Variants in FSTL5 observed in about 807,000 individuals in gnomAD.
The protein encoded by FSTL5 is follistatin like 5.
FSTL5 carries 62 observed loss-of-function variants against 89.1 expected under a neutral mutation model. That is an observed-to-expected ratio of 0.70 (90% CI 0.57 to 0.86). The LOEUF is 0.86. Among genes scored for constraint, FSTL5 ranks in the 40% least tolerant of loss-of-function variants. The pLI is 0.00. For synonymous variants in FSTL5, 383 were observed against 346.2 expected (o/e 1.11, Z -1.18); for missense variants, 1,057 against 1,001.6 (o/e 1.06, Z -0.75).
At chr4:161,863,760 C>A (rs1731993152) in intron 4 of FSTL5, among the ~76,000 whole-genome samples, 1 of 152,164 alleles carries the variant, frequency 6.6e-6, no homozygotes, top group African/African-American at 2.4e-5. Flanking sequence ...TTGACGGCTA[C>A]AGACCTGCCA....
intron 15 of FSTL5, among the ~76,000 whole-genome samples, chr4:161,449,515 T>C (rs752381316): frequency 6.6e-6 from 1 of 152,154 alleles, no homozygotes; most frequent in Non-Finnish European, 1.5e-5. Flanking sequence ...TTATGCCTTC[T>C]CTTATTACTC....
chr4:161,580,253 C>T lies in FSTL5; in HGVS notation c.1015+7202G>A, dbSNP rs79462565. ...GGGAATTTTGAGGCTTTGAAGTTAACGAATTTTTGTACTGTTTTATTATAG... is the reference window on the plus strand; with the variant it reads ...GGGAATTTTGAGGCTTTGAAGTTAATGAATTTTTGTACTGTTTTATTATAG... On this transcript the variant is annotated intron_variant, in intron 8 of 15. Transcript: ENST00000306100. Among the ~76,000 whole-genome samples, 592 of 152,216 alleles carry T rather than the reference C, an allele frequency of 3.9e-3. 5 individuals carry two copies. Among genetic ancestry groups the T allele is most frequent in the African/African-American group, 0.013 (532 of 41,542 alleles).
rs560104593 is a variant in FSTL5, at chr4:161,970,023, A to G, written c.161-49371T>C. On this transcript the variant is annotated intron_variant, in intron 3 of 15. Transcript: ENST00000306100. ...AGACCCTTGTGTTCTGGGCTAAAAA[A>G]ATCGAACTGGATTTGATGGGGAGTC... 1.4e-4 allele frequency among the ~76,000 whole-genome samples: 22 copies of G among 152,266 alleles called. No individual in the cohort carries two copies. In the East Asian group the frequency reaches 3.7e-3, roughly 25 times the overall value.
intron 3 of FSTL5, among the ~76,000 whole-genome samples, chr4:161,966,383 T>C (rs1014742274): frequency 1.3e-5 from 2 of 152,084 alleles, no homozygotes; most frequent in African/African-American, 4.8e-5. Flanking sequence ...GTGAGACATT[T>C]TCATGGACAC....
At chr4:161,523,752 G>T (rs1484101315) in intron 10 of FSTL5, among the ~76,000 whole-genome samples, 1 of 152,054 alleles carries the variant, frequency 6.6e-6, no homozygotes, top group East Asian at 1.9e-4. Flanking sequence ...TATAAACTTT[G>T]CTGGGAATTG....
In FSTL5 at chr4:162,021,220, A is replaced by AT. The variant is rs1003685433; in HGVS notation, c.160+12404dup. ...TACTACTAGGCAACTGCAAATAAGC[A>AT]TTTTTTTATATATAGGTCTATCCCA... On this transcript the variant is annotated intron_variant, in intron 3 of 15. Transcript: ENST00000306100. Among the ~76,000 whole-genome samples, 27 of 152,226 alleles carry AT rather than the reference A, an allele frequency of 1.8e-4. No homozygotes were observed. The East Asian group carries it at 1.9e-3, about 11-fold the overall frequency.
At chr4:161,729,622 G>A (rs1739538808) in intron 6 of FSTL5, among the ~76,000 whole-genome samples, 1 of 152,128 alleles carries the variant, frequency 6.6e-6, no homozygotes, top group African/African-American at 2.4e-5. Flanking sequence ...GATATTTTAA[G>A]CAAAAACGAT....
chr4:162,008,354 G>A (rs2111123679), intron 3 of FSTL5, among the ~76,000 whole-genome samples: 1 of 151,992 alleles, frequency 6.6e-6, no homozygotes, highest in South Asian at 2.1e-4. Flanking sequence ...AGGAGCCAAT[G>A]TTAAGATCTA....
intron 3 of FSTL5, among the ~76,000 whole-genome samples, chr4:161,992,397 C>A (rs1442340071): frequency 6.6e-6 from 1 of 151,942 alleles, no homozygotes; most frequent in Non-Finnish European, 1.5e-5. Flanking sequence ...CTAAGATTTC[C>A]GGGAAATGTG....
At chr4:161,586,738 C>G (rs563927630) in intron 8 of FSTL5, among the ~76,000 whole-genome samples, 135 of 152,188 alleles carry the variant, frequency 8.9e-4, no homozygotes, top group African/African-American at 3.1e-3. Context: ...TGTGATCTGC[C>G]CCAAGGCTAC....
At chr4:161,542,436 CA>C in intron 9 of FSTL5, 95 bp downstream of exon 9, 1 of 710,182 alleles carries the variant, frequency 1.4e-6, no homozygotes, top group Non-Finnish European at 2.1e-6. Flanking sequence ...TTGCCACCAA[CA>C]CTCATTTTTC....
chr4:161,756,018 AT>A lies in FSTL5; in HGVS notation c.727+3392del, dbSNP rs574350562. 3.6e-3 allele frequency among the ~76,000 whole-genome samples: 549 copies of A among 152,142 alleles called. 2 individuals carry two copies. The highest frequency in any genetic ancestry group is 6.8e-3 in the Middle Eastern group (2 of 294). ...ATATCTTCTCACTAATGCAGATACA[AT>A]CCACACAGGTCAGTTCTGTATCTCT... On this transcript the variant is annotated intron_variant, in intron 6 of 15. Transcript: ENST00000306100.
chr4:161,549,371 G>A (rs1391582392), intron 8 of FSTL5, among the ~76,000 whole-genome samples: 1 of 151,582 alleles, frequency 6.6e-6, no homozygotes, highest in African/African-American at 2.4e-5. Context: ...ATATCAGACA[G>A]CTATATATAA....
chr4:162,156,327 A>G (rs919809157), intron 1 of FSTL5, among the ~76,000 whole-genome samples: 7 of 152,208 alleles, frequency 4.6e-5, no homozygotes, highest in Non-Finnish European at 1.0e-4. Context: ...TGAAGAAAGC[A>G]GTTTGGAGAT....
chr4:162,143,746 A>ACCCCC (rs869104453), intron 1 of FSTL5, among the ~76,000 whole-genome samples: 1 of 4,970 alleles, frequency 2.0e-4, no homozygotes, highest in African/African-American at 3.5e-4. Flanking sequence ...ACACACACAC[A>ACCCCC]CACCCAGGAA....
intron 4 of FSTL5, among the ~76,000 whole-genome samples, chr4:161,840,349 T>A (rs942253225): frequency 6.6e-6 from 1 of 152,178 alleles, no homozygotes; most frequent in Non-Finnish European, 1.5e-5. Context: ...AAACTCAGAC[T>A]TGAGAAAAAT....
At chr4:162,072,191 A>T (rs985744367) in intron 2 of FSTL5, among the ~76,000 whole-genome samples, 5 of 151,836 alleles carry the variant, frequency 3.3e-5, no homozygotes, top group African/African-American at 4.8e-5. Flanking sequence ...AGTTCAATGT[A>T]CAAAATAATA....
chr4:161,788,640 CT>C (rs1489190541), intron 4 of FSTL5, among the ~76,000 whole-genome samples: 1 of 152,176 alleles, frequency 6.6e-6, no homozygotes, highest in African/African-American at 2.4e-5. Flanking sequence ...AAACCCAACA[CT>C]TTGGGAGGTA....
chr4:161,561,697 A>G (rs992537142), intron 8 of FSTL5, among the ~76,000 whole-genome samples: 2 of 152,086 alleles, frequency 1.3e-5, no homozygotes, highest in African/African-American at 4.8e-5. Flanking sequence ...AGTGTGAAGA[A>G]AAAGCAAAAA....
Sources: gnomAD v4.1 joint callset for allele counts (sites outside exome capture counted in the v4.1 genomes callset) on GRCh38, gnomAD v4.1.1 for gene constraint, MANE v1.5 for transcripts, NCBI Gene and HGNC (gene_info 2026-07-23, HGNC 2026-07-21) for gene names.